The following AIG1 variants were observed in gnomAD, a reference collection of about 807,000 sequenced individuals.
The protein encoded by AIG1 is androgen induced 1.
Under a neutral mutation model 31.4 loss-of-function variants are expected in AIG1, and 23 were observed. The observed-to-expected ratio is 0.73, with a 90% CI of 0.53 to 1.04. AIG1 has a LOEUF of 1.04. Ranked by LOEUF, AIG1 falls within the 50% of genes least tolerant of loss-of-function variation. AIG1 has a pLI of 0.00. For missense variants in AIG1, 274 were observed against 295.0 expected, an observed-to-expected ratio of 0.93 and a Z score of 0.52; for synonymous variants, 100 against 110.5, an observed-to-expected ratio of 0.90 and a Z score of 0.60.
chr6:143,113,938 C>G lies in AIG1; in HGVS notation c.142-22897C>G, dbSNP rs931343951. On this transcript the variant is annotated intron_variant, in intron 1 of 5. Transcript: ENST00000357847. ...TACAGGCACCCACCACCACGCCCGG[C>G]TAACTTTTTGTATTTTTAGTAGAGA... Among the ~76,000 whole-genome samples, 10 of 152,050 alleles carry G rather than the reference C, an allele frequency of 6.6e-5. 1 individual carries two copies. The South Asian group carries it at 2.1e-3, about 32-fold the overall frequency.
intron 3 of AIG1, among the ~76,000 whole-genome samples, chr6:143,235,504 A>G (rs1562513717): frequency 6.6e-6 from 1 of 152,124 alleles, no homozygotes; most frequent in Non-Finnish European, 1.5e-5. Context: ...TGAGAAGGGG[A>G]GTACATCAAA....
chr6:143,303,195 AGTTTCTTTTGCTGTG>A (rs1367920028), intron 4 of AIG1, among the ~76,000 whole-genome samples: 2 of 151,226 alleles, frequency 1.3e-5, no homozygotes, highest in Non-Finnish European at 3.0e-5. Context: ...CTCTGATGGT[AGTTTCTTTTGCTGTG>A]CAGAAGCTCT....
intron 3 of AIG1, among the ~76,000 whole-genome samples, chr6:143,201,127 A>G (rs1790662317): frequency 6.6e-6 from 1 of 152,150 alleles, no homozygotes; most frequent in South Asian, 2.1e-4. Context: ...CCAAGCAGAT[A>G]CTACTTTATT....
At chr6:143,199,157 C>T (rs188081259) in intron 3 of AIG1, among the ~76,000 whole-genome samples, 22 of 152,010 alleles carry the variant, frequency 1.4e-4, no homozygotes, top group Non-Finnish European at 2.1e-4. Flanking sequence ...AATCAGTATT[C>T]GTTGAATAAA....
At chr6:143,226,176 G>C (rs1210817801) in intron 3 of AIG1, among the ~76,000 whole-genome samples, 1 of 151,904 alleles carries the variant, frequency 6.6e-6, no homozygotes, top group Non-Finnish European at 1.5e-5. Context: ...ATAATGACAA[G>C]AGTCACATCT....
intron 3 of AIG1, among the ~76,000 whole-genome samples, chr6:143,232,614 C>G (rs1793521463): frequency 6.6e-6 from 1 of 152,160 alleles, no homozygotes; most frequent in Non-Finnish European, 1.5e-5. Flanking sequence ...TCTAGCCCAT[C>G]TTTTCTAAAG....
intron 4 of AIG1, among the ~76,000 whole-genome samples, chr6:143,285,039 C>T (rs1033227365): frequency 6.6e-6 from 1 of 152,072 alleles, no homozygotes; most frequent in African/African-American, 2.4e-5. Context: ...GTTCACCATC[C>T]CCTCCTTTAA....
Position 143,333,953 on chromosome 6 carries a change from C to A in AIG1, c.679+508C>A. The A allele has an allele frequency of 2.0e-6, 2 of 991,836 alleles. No individual in the cohort carries two copies. Among genetic ancestry groups the A allele is most frequent in the Non-Finnish European group, 3.0e-6 (2 of 656,940 alleles). The allele number at this position is 991,836 out of a possible 1,614,324, so 61.4% of individuals were successfully genotyped here. On this transcript the variant is annotated intron_variant, in intron 5 of 5. Transcript: ENST00000357847. This position sits in a 1 kb window ranked among gnomAD's most constrained non-coding sequence, Gnocchi z 4.6. ...GTGATGCTCCGGCCACCTTGACTCACCAGTGGCTGTCACGGAAAGTCTGAA... is the reference window on the plus strand; with the variant it reads ...GTGATGCTCCGGCCACCTTGACTCAACAGTGGCTGTCACGGAAAGTCTGAA...
intron 3 of AIG1, among the ~76,000 whole-genome samples, chr6:143,191,950 T>G (rs1789826180): frequency 6.6e-6 from 1 of 152,224 alleles, no homozygotes; most frequent in South Asian, 2.1e-4. Context: ...AGTTCATTTT[T>G]GAGGCTAGTT....
At position 143,092,954 on chromosome 6, in the gene AIG1, G is replaced by T. The variant is rs548109751; in HGVS notation, c.141+31888G>T. On this transcript the variant is annotated intron_variant, in intron 1 of 5. Coordinates refer to ENST00000357847, the MANE Select transcript of AIG1 (RefSeq NM_016108.4). ...AGTCCCAGGTACTCAGGAGGCTGAG[G>T]TGGGAGCATTGCTTGAGCCCAGGAA... Among the ~76,000 whole-genome samples the T allele has an allele frequency of 4.5e-4, 68 of 152,280 alleles. No individual in the cohort carries two copies. The South Asian group carries it at 0.013, about 28-fold the overall frequency.
intron 3 of AIG1, among the ~76,000 whole-genome samples, chr6:143,179,826 A>G (rs1031877563): frequency 6.6e-6 from 1 of 152,276 alleles, no homozygotes; most frequent in Non-Finnish European, 1.5e-5. Flanking sequence ...AATTAAAAAT[A>G]TAAGCATATA....
At position 143,297,241 on chromosome 6, in the gene AIG1, A is replaced by T. The variant is rs1427419148; in HGVS notation, c.515+13016A>T. 6.6e-6 allele frequency among the ~76,000 whole-genome samples: 1 copy of T among 152,182 alleles called. No individual in the cohort carries two copies. The highest frequency in any genetic ancestry group is 1.5e-5 in the Non-Finnish European group (1 of 68,030). On this transcript the variant is annotated intron_variant, in intron 4 of 5. Coordinates refer to ENST00000357847, the MANE Select transcript of AIG1 (RefSeq NM_016108.4). The surrounding 1 kb of genome is among the most constrained non-coding windows in gnomAD (Gnocchi z 5.1). Reference sequence around the variant, plus strand: ...TCCAGGATAAAAGTGTCCCAGGCAGAAAAAGCAGATGGCCTAGAAGCAACG... The same window carrying T: ...TCCAGGATAAAAGTGTCCCAGGCAGTAAAAGCAGATGGCCTAGAAGCAACG...
intron 4 of AIG1, among the ~76,000 whole-genome samples, chr6:143,320,366 A>G (rs1776111128): frequency 6.6e-6 from 1 of 152,198 alleles, no homozygotes; most frequent in Non-Finnish European, 1.5e-5. Flanking sequence ...TTATATACCC[A>G]AAAGAGTTGA....
chr6:143,097,117 T>C (rs1779866183), intron 1 of AIG1, among the ~76,000 whole-genome samples: 1 of 152,058 alleles, frequency 6.6e-6, no homozygotes, highest in Admixed American at 6.5e-5. Context: ...GGAATAGCCC[T>C]GTAACAGCAG....
At chr6:143,267,867 G>A (rs1583676409) in intron 3 of AIG1, among the ~76,000 whole-genome samples, 1 of 152,194 alleles carries the variant, frequency 6.6e-6, no homozygotes, top group African/African-American at 2.4e-5. Flanking sequence ...ACCTGAGATA[G>A]TCACAGAATG....
At chr6:143,319,118 C>T (rs1304870342) in intron 4 of AIG1, among the ~76,000 whole-genome samples, 2 of 152,152 alleles carry the variant, frequency 1.3e-5, no homozygotes, top group African/African-American at 4.8e-5. Context: ...AGCAGTCCCA[C>T]TACTGGGTAT....
intron 2 of AIG1, among the ~76,000 whole-genome samples, chr6:143,160,929 G>A (rs1413843169): frequency 1.3e-5 from 2 of 152,090 alleles, no homozygotes; most frequent in Admixed American, 1.3e-4. Flanking sequence ...TATAAGGTAG[G>A]GATCAAAGTA....
At chr6:143,171,463 TATTTAA>T in intron 3 of AIG1, among the ~76,000 whole-genome samples, 1 of 49,588 alleles carries the variant, frequency 2.0e-5, no homozygotes, top group Non-Finnish European at 3.0e-5. Context: ...TTAATATATA[TATTTAA>T]TATATATAAT....
At chr6:143,343,357 C>T, downstream of AIG1, 1 of 583,110 alleles carries the variant, frequency 1.7e-6, no homozygotes, top group Non-Finnish European at 3.4e-6. Flanking sequence ...ACTAATGCCC[C>T]CCCAAACAAG....
Sources: allele counts gnomAD v4.1 joint callset (sites outside exome capture counted in the v4.1 genomes callset), GRCh38; gene constraint gnomAD v4.1.1; non-coding constraint Gnocchi (gnomAD v3.1); transcripts MANE v1.5; gene names NCBI Gene and HGNC (gene_info 2026-07-23, HGNC 2026-07-21).